ABCA9: variants seen among roughly 807,000 people sequenced by gnomAD.
The protein encoded by ABCA9 is ATP-binding cassette sub-family A member 9.
ABCA9 carries 183 observed loss-of-function variants against 205.3 expected under a neutral mutation model. That is an observed-to-expected ratio of 0.89 (90% CI 0.79 to 1.01). ABCA9 has a LOEUF of 1.01. Ranked by LOEUF, ABCA9 falls within the 50% of genes least tolerant of loss-of-function variation. ABCA9 has a pLI of 0.00. For synonymous variants in ABCA9, 651 were observed against 683.3 expected (o/e 0.95, Z 0.74); for missense variants, 1,805 against 1,912.4 (o/e 0.94, Z 1.05).
At chr17:68,991,989 G>A (rs1462961232) in intron 28 of ABCA9, among the ~76,000 whole-genome samples, 186 bp downstream of exon 28, 1 of 151,998 alleles carries the variant, frequency 6.6e-6, no homozygotes, top group Non-Finnish European at 1.5e-5. Context: ...GTGCTAATAT[G>A]GTTTCTCTCT....
At chr17:69,071,896 C>T in the ABCA9 span, among the ~76,000 whole-genome samples, 158 of 152,184 alleles carry the variant, frequency 1.0e-3, no homozygotes, top group Non-Finnish European at 1.8e-3. Flanking sequence ...TAGAGAAGAA[C>T]ATAAATGACC....
At chr17:69,017,539 G>A in intron 21 of ABCA9, 117 bp downstream of exon 21, 1 of 1,112,020 alleles carries the variant, frequency 9.0e-7, no homozygotes, top group Non-Finnish European at 1.3e-6. Context: ...CTATAAAAAT[G>A]AGAACTATCC....
chr17:69,025,489 G>A (rs565160168), intron 16 of ABCA9, among the ~76,000 whole-genome samples: 11 of 152,142 alleles, frequency 7.2e-5, no homozygotes, highest in Non-Finnish European at 1.3e-4. Context: ...ACTGAACTAT[G>A]AAACATAGCT....
intron 20 of ABCA9, 68 bp from the exon 21 acceptor site, chr17:69,017,857 A>G (rs927409664): frequency 4.6e-6 from 7 of 1,513,304 alleles, no homozygotes; most frequent in Non-Finnish European, 6.4e-6. Flanking sequence ...TATTAAAAAT[A>G]CATTACATCA....
At chr17:68,987,033 A>G (rs911092682) in intron 31 of ABCA9, among the ~76,000 whole-genome samples, 1 of 152,226 alleles carries the variant, frequency 6.6e-6, no homozygotes, top group Non-Finnish European at 1.5e-5. Flanking sequence ...TACAATAATA[A>G]GAACATCTAA....
chr17:69,073,887 T>G, the ABCA9 span, among the ~76,000 whole-genome samples: 1 of 151,956 alleles, frequency 6.6e-6, no homozygotes, highest in Non-Finnish European at 1.5e-5. Flanking sequence ...TAGTTTGTAG[T>G]GATAGGGTCT....
chr17:69,068,753 G>T, the ABCA9 span, among the ~76,000 whole-genome samples: 152,352 of 152,352 alleles, frequency 1, 76,176 homozygotes, highest in Non-Finnish European at 1. Flanking sequence ...AAAGAAGTAG[G>T]TGAATGCTAG....
Position 69,000,320 on chromosome 17 carries a change from G to C in ABCA9, c.3436-4306C>G, listed in dbSNP as rs1167993262. ...ATTTTTGTATAAGGTGTAAGGAAGG[G>C]ATCCAGTTTCAGCTTTCTACATATG... On this transcript the variant is annotated intron_variant, in intron 25 of 38. Transcript: ENST00000340001. 6.7e-5 allele frequency among the ~76,000 whole-genome samples: 10 copies of C among 150,056 alleles called. No homozygotes were observed. The East Asian group carries it at 2.0e-3, about 29-fold the overall frequency.
At position 69,027,094 on chromosome 17, in the gene ABCA9, C is replaced by G. The variant is rs748167314; in HGVS notation, c.1932G>C (p.Pro644=). ...GDPQVLLLDE[P]TAGLDPLSRH... is the part of the protein sequence containing the mutation. Reference sequence around the variant, plus strand: ...TTGAAAGAGGATCCAATCCAGCAGTCGGTTCATCCAATAGCAAAACCTGGA... The same window carrying G: ...TTGAAAGAGGATCCAATCCAGCAGTGGGTTCATCCAATAGCAAAACCTGGA... The change falls in exon 15 of 39, where the codon CCG becomes CCC. Residue 644 remains proline, a synonymous_variant. Transcript: ENST00000340001. 6.2e-7 allele frequency: 1 copy of G among 1,614,038 alleles called. No individual in the cohort carries two copies. Among genetic ancestry groups the G allele is most frequent in the Admixed American group, 1.7e-5 (1 of 60,014 alleles).
At chr17:69,016,221 G>T in intron 22 of ABCA9, 32 bp downstream of exon 22, 1 of 1,445,534 alleles carries the variant, frequency 6.9e-7, no homozygotes, top group Admixed American at 2.7e-5. Context: ...ACTTATCATG[G>T]CACAGTATAA....
At chr17:68,976,249 A>G in intron 37 of ABCA9, 59 bp from the exon 38 acceptor site, 3 of 1,399,478 alleles carry the variant, frequency 2.1e-6, no homozygotes, top group African/African-American at 1.4e-5. Flanking sequence ...AGTTTTACCA[A>G]GTAACAAACC....
chr17:69,024,745 G>A (rs2070926981), intron 16 of ABCA9, among the ~76,000 whole-genome samples: 1 of 152,136 alleles, frequency 6.6e-6, no homozygotes, highest in Admixed American at 6.6e-5. Flanking sequence ...TCAGACTTGA[G>A]CATGAGAAAA....
upstream of ABCA9, among the ~76,000 whole-genome samples, chr17:69,063,576 A>G (rs1598426969): frequency 6.7e-6 from 1 of 150,216 alleles, no homozygotes; most frequent in East Asian, 2.0e-4. Context: ...TCCTCCAAAC[A>G]TTTCTCTTTG....
intron 12 of ABCA9, among the ~76,000 whole-genome samples, chr17:69,028,289 C>A (rs1445796147): frequency 6.6e-6 from 1 of 152,158 alleles, no homozygotes; most frequent in Non-Finnish European, 1.5e-5. Context: ...GCCTCAGTCT[C>A]CTGAGTGGCT....
chr17:69,015,765 G>A (rs2070570153), intron 22 of ABCA9, among the ~76,000 whole-genome samples: 1 of 151,942 alleles, frequency 6.6e-6, no homozygotes, highest in African/African-American at 2.4e-5. Flanking sequence ...TTTGTAAATT[G>A]ATGACCTATA....
chr17:68,976,737 A>C (rs187466171), intron 37 of ABCA9, among the ~76,000 whole-genome samples: 1 of 152,338 alleles, frequency 6.6e-6, no homozygotes, highest in Admixed American at 6.5e-5. Flanking sequence ...GGACCTAAGA[A>C]TGGTAACACT....
chr17:69,036,578 G>T (rs895951471), intron 6 of ABCA9, among the ~76,000 whole-genome samples: 1 of 151,934 alleles, frequency 6.6e-6, no homozygotes, highest in Non-Finnish European at 1.5e-5. Context: ...GCAAAAACAA[G>T]CCAAAATATA....
chr17:68,982,799 G>A (rs2069102731), intron 36 of ABCA9, among the ~76,000 whole-genome samples, 158 bp from the exon 37 acceptor site: 1 of 152,192 alleles, frequency 6.6e-6, no homozygotes, highest in Non-Finnish European at 1.5e-5. Flanking sequence ...GAGCCTATGA[G>A]TTTGAGACCA....
upstream of ABCA9, among the ~76,000 whole-genome samples, chr17:69,063,139 G>T (rs1257142416): frequency 1.3e-5 from 2 of 151,850 alleles, no homozygotes; most frequent in Non-Finnish European, 2.9e-5. Flanking sequence ...GAGTCTATGA[G>T]CTCAAATTAC....
Sources: allele counts gnomAD v4.1 joint callset (sites outside exome capture counted in the v4.1 genomes callset), GRCh38; gene constraint gnomAD v4.1.1; transcripts MANE v1.5; gene names NCBI Gene and HGNC (gene_info 2026-07-23, HGNC 2026-07-21).